A2ML1: variants seen among roughly 807,000 people sequenced by gnomAD.
A2ML1 encodes alpha-2-macroglobulin like 1.
In A2ML1, 161 loss-of-function variants were observed where a neutral mutation model predicts 181.9. That is an observed-to-expected ratio of 0.89 (90% CI 0.78 to 1.01). A2ML1 has a LOEUF of 1.01. Ranked by LOEUF, A2ML1 falls within the 50% of genes least tolerant of loss-of-function variation. A2ML1 has a pLI of 0.00. For missense variants in A2ML1, 1,670 were observed against 1,768.1 expected (o/e 0.94, Z 1.00); for synonymous variants, 663 against 666.8 (o/e 0.99, Z 0.09).
In A2ML1 at chr12:8,852,194, T is replaced by C; in HGVS notation, c.2464-16T>C. ...TCCTTTGTTTGTACCCTTTGTCTCT[T>C]AAACATCCTCCGTAGGTTCAGACTG... On this transcript the variant is annotated splice_polypyrimidine_tract_variant and intron_variant, in intron 19 of 35. Coordinates refer to ENST00000299698, the MANE Select transcript of A2ML1 (RefSeq NM_144670.6). This position sits in a 1 kb window ranked among gnomAD's most constrained non-coding sequence, Gnocchi z 4.2. The C allele has an allele frequency of 6.2e-7, 1 of 1,613,898 alleles. No individual in the cohort carries two copies. The highest frequency in any genetic ancestry group is 2.2e-5 in the East Asian group (1 of 44,880).
downstream of A2ML1, chr12:8,880,580 C>T (rs978876932): frequency 1.3e-5 from 2 of 152,026 alleles, no homozygotes; most frequent in African/African-American, 4.8e-5. Flanking sequence ...AAGCCGAAGT[C>T]CTTGAAACCA....
At chr12:8,822,774 A>C (rs1942785243) in intron 1 of A2ML1, 61 bp downstream of exon 1, 6 of 1,499,522 alleles carry the variant, frequency 4.0e-6, no homozygotes, top group Non-Finnish European at 5.6e-6. Context: ...TAACTTTCTC[A>C]AACATTTATA....
intron 6 of A2ML1, 142 bp from the exon 7 acceptor site, chr12:8,836,113 C>G (rs1231336825): frequency 1.6e-6 from 1 of 635,276 alleles, no homozygotes; most frequent in Non-Finnish European, 2.8e-6. Flanking sequence ...CAGCTAATTA[C>G]TTCAGGAACA....
chr12:8,859,205 C>T (rs1944174213), intron 26 of A2ML1, among the ~76,000 whole-genome samples: 2 of 152,016 alleles, frequency 1.3e-5, no homozygotes, highest in African/African-American at 4.8e-5. Flanking sequence ...ATTCAGGACA[C>T]ACTCAGTGCA....
At position 8,822,635 on chromosome 12, in the gene A2ML1, CTG is replaced by C. The variant is rs1003993407; in HGVS notation, c.-15_-14del. ...TCTCTGCCCCTGACCCTGGAAAAAT[CTG>C]TCTCACCCACAAAGATGTGGGCTCA... On this transcript the variant is annotated 5_prime_UTR_variant, in exon 1 of 36. Coordinates refer to ENST00000299698, the MANE Select transcript of A2ML1 (RefSeq NM_144670.6). 7 of 1,612,794 alleles carry C rather than the reference CTG, an allele frequency of 4.3e-6. No individual in the cohort carries two copies. Among genetic ancestry groups the C allele is most frequent in the Admixed American group, 3.3e-5 (2 of 59,924 alleles).
chr12:8,883,347 G>C (rs1325543449), intron 7 of A2ML1, among the ~76,000 whole-genome samples: 1 of 152,146 alleles, frequency 6.6e-6, no homozygotes, highest in African/African-American at 2.4e-5. Flanking sequence ...TTTATTTGGA[G>C]CAGCCACGTG....
At position 8,837,526 on chromosome 12, in the gene A2ML1, G is replaced by T. The variant is rs372782124; in HGVS notation, c.815G>T (p.Arg272Leu). ...ANTYWYREVE[R>L]EQLPDKCRNL... ...ACTTACTGGTATCGAGAGGTGGAAC[G>T]GGAACAGCTTCCTGACAAATGCAGG... Residue 272 changes from arginine to leucine, a missense_variant, in exon 8 of 36, where the codon CGG (arginine) becomes CTG (leucine). Transcript: ENST00000299698. The T allele has an allele frequency of 6.2e-7, 1 of 1,613,896 alleles. No homozygotes were observed. The highest frequency in any genetic ancestry group is 8.5e-7 in the Non-Finnish European group (1 of 1,179,868).
chr12:8,841,021 A>AGGAAGGAAGGAAGGAGGGAC (rs1555109425), intron 10 of A2ML1, among the ~76,000 whole-genome samples: 1 of 122,890 alleles, frequency 8.1e-6, no homozygotes, highest in Admixed American at 8.6e-5. Flanking sequence ...GACGGAAGGA[A>AGGAAGGAAGGAAGGAGGGAC]GGAAGGAAGG....
chr12:8,822,874 A>G (rs1484680056), intron 1 of A2ML1, among the ~76,000 whole-genome samples, 161 bp downstream of exon 1: 1 of 152,010 alleles, frequency 6.6e-6, no homozygotes, highest in Non-Finnish European at 1.5e-5. Context: ...CCAGAGAGGG[A>G]GGCTGACGCA....
intron 2 of A2ML1, 141 bp downstream of exon 2, chr12:8,823,506 C>A (rs748176640): frequency 1.7e-5 from 19 of 1,121,996 alleles, no homozygotes; most frequent in African/African-American, 3.1e-5. Context: ...TAACCTCAAT[C>A]CCCGGCTATA....
chr12:8,835,605 C>T lies in A2ML1; in HGVS notation c.582C>T (p.Gly194=), dbSNP rs374257908. The change falls in exon 6 of 36, where the codon GGC becomes GGT. Residue 194 remains glycine, a synonymous_variant. Transcript: ENST00000299698. ...SFQLAPEAML[G]TYTVAVAEGK... is the part of the protein sequence containing the mutation. ...AACTGGCACCAGAGGCAATGCTGGG[C>T]ACCTACACTGTGGCAGTGGCTGAGG... 7.4e-6 allele frequency: 12 copies of T among 1,614,080 alleles called. No individual in the cohort carries two copies. The highest frequency in any genetic ancestry group is 9.3e-6 in the Non-Finnish European group (11 of 1,180,040).
intron 24 of A2ML1, 52 bp downstream of exon 24, chr12:8,857,392 T>C (rs2136914184): frequency 1.3e-6 from 2 of 1,583,238 alleles, no homozygotes; most frequent in Middle Eastern, 1.7e-4. Context: ...CTAGGCCCTA[T>C]GACAGATTGA....
chr12:8,858,957 T>A (rs904703429), intron 26 of A2ML1, among the ~76,000 whole-genome samples: 1 of 152,060 alleles, frequency 6.6e-6, no homozygotes. Flanking sequence ...TTATTTCATG[T>A]TTACAACAAA....
intron 35 of A2ML1, 187 bp from the exon 36 acceptor site, chr12:8,875,870 GA>G (rs779490677): frequency 6.6e-6 from 1 of 152,172 alleles, no homozygotes; most frequent in Non-Finnish European, 1.5e-5. Context: ...TTTGTTATAT[GA>G]AAATACTAAG....
chr12:8,828,678 T>G (rs189675117), intron 3 of A2ML1, among the ~76,000 whole-genome samples: 202 of 152,186 alleles, frequency 1.3e-3, no homozygotes, highest in Non-Finnish European at 9.0e-4. Flanking sequence ...AAGGAGTCTC[T>G]CCCCATAGTC....
intron 3 of A2ML1, among the ~76,000 whole-genome samples, chr12:8,824,223 T>A (rs63399161): frequency 1.7e-5 from 1 of 59,124 alleles, no homozygotes; most frequent in Non-Finnish European, 3.4e-5. Flanking sequence ...GCTACTGGGG[T>A]TTTTTTTTTT....
At chr12:8,835,259 C>T (rs929816974) in intron 5 of A2ML1, among the ~76,000 whole-genome samples, 3 of 152,218 alleles carry the variant, frequency 2.0e-5, no homozygotes, top group Non-Finnish European at 4.4e-5. Flanking sequence ...TTAGAGGGCT[C>T]AGTCTGATCA....
intron 12 of A2ML1, among the ~76,000 whole-genome samples, chr12:8,844,616 C>T (rs981442287): frequency 2.0e-5 from 3 of 151,902 alleles, no homozygotes; most frequent in African/African-American, 4.8e-5. Context: ...CTCTTTGTTC[C>T]GTTATCCTCC....
intron 29 of A2ML1, among the ~76,000 whole-genome samples, chr12:8,866,463 A>G (rs1053126191): frequency 4.6e-5 from 7 of 152,048 alleles, no homozygotes; most frequent in Admixed American, 3.9e-4. Flanking sequence ...CTGAATAATT[A>G]TAATATATAA....
Sources: gnomAD v4.1 joint callset for allele counts (sites outside exome capture counted in the v4.1 genomes callset) on GRCh38, gnomAD v4.1.1 for gene constraint, Gnocchi (gnomAD v3.1) non-coding constraint, MANE v1.5 for transcripts, NCBI Gene and HGNC (gene_info 2026-07-23, HGNC 2026-07-21) for gene names.